NBEA: variants seen among roughly 807,000 people sequenced by gnomAD.
NBEA encodes the protein lysosomal-trafficking regulator 2.
NBEA carries 44 observed loss-of-function variants against 343.4 expected under a neutral mutation model. That is an observed-to-expected ratio of 0.13 (90% CI 0.10 to 0.16). The LOEUF (loss-of-function observed/expected upper bound fraction) is 0.16. Among genes scored for constraint, NBEA ranks in the 10% least tolerant of loss-of-function variants. The pLI is 1.00. For synonymous variants in NBEA, 1,175 were observed against 1,238.7 expected (o/e 0.95, Z 1.08); for missense variants, 2,555 against 3,631.3 (o/e 0.70, Z 7.62).
intron 36 of NBEA, among the ~76,000 whole-genome samples, chr13:35,323,075 C>G (rs1203406161): frequency 1.3e-5 from 2 of 152,108 alleles, no homozygotes; most frequent in African/African-American, 4.8e-5. Flanking sequence ...GTCTCGAACT[C>G]CTGAAATTAA....
chr13:35,158,395 T>G (rs1263613184), intron 21 of NBEA, among the ~76,000 whole-genome samples: 1 of 152,104 alleles, frequency 6.6e-6, no homozygotes, highest in Admixed American at 6.6e-5. Flanking sequence ...TTATCATTGC[T>G]TTAACAAATT....
At chr13:35,624,192 A>G (rs1593397724) in intron 48 of NBEA, among the ~76,000 whole-genome samples, 1 of 152,074 alleles carries the variant, frequency 6.6e-6, no homozygotes. Context: ...GAACAATTCT[A>G]TAAGAAAACA....
intron 1 of NBEA, among the ~76,000 whole-genome samples, chr13:34,995,861 C>T (rs1385054650): frequency 6.6e-6 from 1 of 152,186 alleles, no homozygotes; most frequent in East Asian, 1.9e-4. Context: ...AAAGTTTAGT[C>T]CCAGAATATC....
intron 13 of NBEA, among the ~76,000 whole-genome samples, chr13:35,112,537 AG>A (rs2152662001): frequency 6.6e-6 from 1 of 152,304 alleles, no homozygotes; most frequent in Non-Finnish European, 1.5e-5. Flanking sequence ...TCAGAGACCT[AG>A]TTCTTAAATG....
chr13:35,242,506 T>TA (rs1045119457), intron 34 of NBEA, among the ~76,000 whole-genome samples: 4 of 151,960 alleles, frequency 2.6e-5, no homozygotes, highest in African/African-American at 9.6e-5. Flanking sequence ...GAATAATGGC[T>TA]AAAAAACTTC....
At chr13:35,192,170 A>G (rs963373865) in intron 30 of NBEA, among the ~76,000 whole-genome samples, 2 of 152,028 alleles carry the variant, frequency 1.3e-5, no homozygotes, top group African/African-American at 4.8e-5. Context: ...CACAGATGCA[A>G]TCATTTATAG....
At chr13:35,356,000 A>T (rs1338180816) in intron 38 of NBEA, among the ~76,000 whole-genome samples, 1 of 151,982 alleles carries the variant, frequency 6.6e-6, no homozygotes, top group African/African-American at 2.4e-5. Flanking sequence ...TTCATAATGT[A>T]ATAGATTCTT....
chr13:35,357,684 T>A (rs1243570624), intron 38 of NBEA, among the ~76,000 whole-genome samples: 2 of 152,218 alleles, frequency 1.3e-5, no homozygotes, highest in Non-Finnish European at 2.9e-5. Flanking sequence ...CATATTTTCT[T>A]TATAGAGTCT....
intron 4 of NBEA, among the ~76,000 whole-genome samples, chr13:35,046,285 T>G (rs1296654613): frequency 6.6e-6 from 1 of 152,148 alleles, no homozygotes; most frequent in African/African-American, 2.4e-5. Context: ...TTTCTTATCT[T>G]TCGATTAAAT....
At chr13:35,144,675 C>T (rs998919573) in intron 18 of NBEA, among the ~76,000 whole-genome samples, 3 of 152,084 alleles carry the variant, frequency 2.0e-5, no homozygotes, top group African/African-American at 4.8e-5. Flanking sequence ...GGGAGAAGGT[C>T]GGTCTTCTTT....
intron 13 of NBEA, among the ~76,000 whole-genome samples, chr13:35,113,766 C>T (rs1383469085): frequency 6.6e-6 from 1 of 152,134 alleles, no homozygotes; most frequent in African/African-American, 2.4e-5. Context: ...TGCACATAGT[C>T]AGCTCTGACA....
intron 39 of NBEA, among the ~76,000 whole-genome samples, chr13:35,442,028 G>GTGCCTCCCTCCC (rs1051404482): frequency 7.2e-5 from 11 of 151,892 alleles, no homozygotes; most frequent in Middle Eastern, 6.8e-3. Context: ...CCTTTCCTTT[G>GTGCCTCCCTCCC]TGCCTCCCTC....
intron 51 of NBEA, among the ~76,000 whole-genome samples, chr13:35,646,615 A>G (rs2084247011): frequency 6.6e-6 from 1 of 152,212 alleles, no homozygotes. Context: ...TCATTCATGC[A>G]CACACAGGCA....
chr13:35,472,487 A>C lies in NBEA; in HGVS notation c.6536A>C (p.Tyr2179Ser). Residue 2179 changes from tyrosine (Y) to serine (S), a missense_variant, in exon 41 of 59, where the codon TAC (tyrosine) becomes TCC (serine). Transcript: ENST00000379939. ...CTCTCCATCACCACGACAGAAATCT[A>C]CTTCGAGGTAGATGAGGATGATTCT... ...GTLSITTTEI[Y>S]FEVDEDDSAF... 1 of 1,613,950 alleles carries C rather than the reference A, an allele frequency of 6.2e-7. No individual in the cohort carries two copies. Among genetic ancestry groups the C allele is most frequent in the South Asian group, 1.1e-5 (1 of 91,084 alleles).
Position 35,670,910 on chromosome 13 carries a change from C to G in NBEA, c.8823C>G (p.Ile2941Met). Reference protein sequence around the residue: ...MDLSHDQRTLITGMASGSIVA... With the variant: ...MDLSHDQRTLMTGMASGSIVA... ...GTTTCTGCTTTTCCAGGACTCTGAT[C>G]ACTGGCATGGCTTCTGGTAGCATTG... is the stretch of plus-strand genomic sequence containing the variant. The change falls in exon 59 of 59, where the codon ATC becomes ATG. Residue 2941 changes from isoleucine to methionine, a missense_variant. This residue lies in a region of NBEA where 186 missense variants were observed against 328.9 expected (regional missense o/e 0.57). Transcript: ENST00000379939. 6.3e-7 allele frequency: 1 copy of G among 1,593,772 alleles called. No individual in the cohort carries two copies. Among genetic ancestry groups the G allele is most frequent in the Non-Finnish European group, 8.6e-7 (1 of 1,168,632 alleles).
At chr13:35,484,825 A>G (rs1460138077) in intron 41 of NBEA, among the ~76,000 whole-genome samples, 1 of 152,096 alleles carries the variant, frequency 6.6e-6, no homozygotes, top group African/African-American at 2.4e-5. Flanking sequence ...TAGTTTACAT[A>G]ATAATATAAA....
At chr13:34,963,428 A>T (rs1032281897) in intron 1 of NBEA, among the ~76,000 whole-genome samples, 1 of 151,992 alleles carries the variant, frequency 6.6e-6, no homozygotes, top group Non-Finnish European at 1.5e-5. Flanking sequence ...CTCCAAATGC[A>T]ATGCCATTAG....
intron 53 of NBEA, among the ~76,000 whole-genome samples, chr13:35,652,348 A>G (rs1264573601): frequency 6.6e-6 from 1 of 151,690 alleles, no homozygotes; most frequent in Non-Finnish European, 1.5e-5. Flanking sequence ...TTTAAAAAAA[A>G]AAAAAAAAAG....
At chr13:35,014,633 C>T (rs2061589846) in intron 1 of NBEA, among the ~76,000 whole-genome samples, 1 of 152,014 alleles carries the variant, frequency 6.6e-6, no homozygotes. Context: ...GGGACCAGGG[C>T]AAGCCTCAGT....
Sources: gnomAD v4.1 joint callset for allele counts (sites outside exome capture counted in the v4.1 genomes callset) on GRCh38, gnomAD v4.1.1 for gene constraint, gnomAD v4.1.1 regional missense constraint, MANE v1.5 for transcripts, NCBI Gene and HGNC (gene_info 2026-07-23, HGNC 2026-07-21) for gene names.